The following USP37 variants were observed in gnomAD, a reference collection of about 807,000 sequenced individuals.
The protein encoded by USP37 is ubiquitin carboxyl-terminal hydrolase 37.
USP37 carries 27 observed loss-of-function variants against 124.0 expected under a neutral mutation model. The ratio of observed to expected loss-of-function variants is 0.22; its 90% CI spans 0.16 to 0.30. The LOEUF (loss-of-function observed/expected upper bound fraction) is 0.30. Ranked by LOEUF, USP37 falls within the 10% of genes least tolerant of loss-of-function variation. The pLI, the probability that USP37 is intolerant of heterozygous loss-of-function variation, is 1.00. For synonymous variants in USP37, 365 were observed against 388.0 expected (o/e 0.94, Z 0.70); for missense variants, 889 against 1,140.4 (o/e 0.78, Z 3.17).
intron 8 of USP37, among the ~76,000 whole-genome samples, chr2:218,537,983 G>A (rs1393044079): frequency 3.3e-5 from 5 of 152,200 alleles, no homozygotes; most frequent in African/African-American, 9.6e-5. Context: ...TCACACCCAT[G>A]AAGTGATAAG....
chr2:218,497,680 G>C, intron 13 of USP37, 54 bp downstream of exon 13: 2 of 1,603,032 alleles, frequency 1.2e-6, no homozygotes, highest in Non-Finnish European at 8.5e-7. Flanking sequence ...TGGAATTACA[G>C]ACGTGAGCCA....
intron 11 of USP37, among the ~76,000 whole-genome samples, chr2:218,503,166 G>A (rs1344806935): frequency 2.0e-5 from 3 of 152,014 alleles, no homozygotes; most frequent in African/African-American, 7.2e-5. Flanking sequence ...ATGTTAAAGC[G>A]ACATTCTTCA....
At chr2:218,537,927 TCAAGG>T (rs2106033219) in intron 8 of USP37, among the ~76,000 whole-genome samples, 2 of 152,296 alleles carry the variant, frequency 1.3e-5, no homozygotes, top group African/African-American at 4.8e-5. Flanking sequence ...CTGATGGTCA[TCAAGG>T]GACTGTGCAA....
intron 20 of USP37, among the ~76,000 whole-genome samples, chr2:218,467,515 A>AT (rs1283819386): frequency 1.3e-5 from 2 of 151,934 alleles, no homozygotes; most frequent in Non-Finnish European, 2.9e-5. Context: ...CGCCCGGCTA[A>AT]TTTTTGTATT....
chr2:218,480,674 A>G (rs974556723), intron 17 of USP37, among the ~76,000 whole-genome samples: 2 of 152,172 alleles, frequency 1.3e-5, no homozygotes, highest in Admixed American at 6.5e-5. Flanking sequence ...CAACCATCCT[A>G]TTGTTTTTCT....
chr2:218,549,237 C>T (rs1174957709), intron 6 of USP37, among the ~76,000 whole-genome samples: 1 of 151,812 alleles, frequency 6.6e-6, no homozygotes, highest in African/African-American at 2.4e-5. Context: ...ATAAAAATGT[C>T]CCCCAAAAAT....
At chr2:218,534,788 T>C in intron 8 of USP37, 82 bp from the exon 9 acceptor site, 17 of 923,504 alleles carry the variant, frequency 1.8e-5, no homozygotes, top group Non-Finnish European at 2.6e-5. Flanking sequence ...CATTAAAACA[T>C]TTACATTTAA....
chr2:218,488,242 T>A, intron 15 of USP37, 62 bp downstream of exon 15: 1 of 1,089,876 alleles, frequency 9.2e-7, no homozygotes, highest in Non-Finnish European at 1.3e-6. Context: ...CTTCAAATAT[T>A]CAAATACAAC....
intron 15 of USP37, chr2:218,486,416 T>C (rs1691560448): frequency 6.6e-6 from 1 of 152,210 alleles, no homozygotes; most frequent in Non-Finnish European, 1.5e-5. Flanking sequence ...TAAACAGATT[T>C]TTTTGTCTGT....
At chr2:218,476,061 A>T (rs1690957254) in intron 19 of USP37, among the ~76,000 whole-genome samples, 2 of 152,370 alleles carry the variant, frequency 1.3e-5, no homozygotes, top group Non-Finnish European at 1.5e-5. Context: ...CAGAACAAAA[A>T]TAACTACTAA....
At chr2:218,488,178 A>G in intron 15 of USP37, 126 bp downstream of exon 15, 1 of 78,006 alleles carries the variant, frequency 1.3e-5, no homozygotes, top group Non-Finnish European at 3.1e-5. Flanking sequence ...CCTGTCTCAA[A>G]AAAAAAAAAA....
chr2:218,535,993 G>A (rs1409702693), intron 8 of USP37, among the ~76,000 whole-genome samples: 2 of 133,116 alleles, frequency 1.5e-5, no homozygotes, highest in Admixed American at 8.3e-5. Flanking sequence ...CTCCAGAATG[G>A]GTGACAAGAG....
intron 23 of USP37, among the ~76,000 whole-genome samples, chr2:218,457,889 A>T (rs1254359525): frequency 6.6e-6 from 1 of 151,856 alleles, no homozygotes; most frequent in East Asian, 1.9e-4. Context: ...CTACTAAAAA[A>T]ACACAAAAAA....
At chr2:218,496,895 C>A (rs1232208850) in intron 13 of USP37, among the ~76,000 whole-genome samples, 1 of 152,064 alleles carries the variant, frequency 6.6e-6, no homozygotes, top group East Asian at 1.9e-4. Flanking sequence ...AGATGATCCA[C>A]CCGCCTCGGC....
chr2:218,556,121 C>T (rs1692956229), intron 4 of USP37, among the ~76,000 whole-genome samples: 3 of 152,276 alleles, frequency 2.0e-5, no homozygotes, highest in South Asian at 2.1e-4. Flanking sequence ...CTTCTGCTTT[C>T]CTTATGACAA....
rs778500123 is a variant in USP37, at chr2:218,485,702, C to T, written c.1632G>A (p.Lys544=). The change falls in exon 16 of 26, where the codon AAG becomes AAA. Residue 544 remains lysine (K), a synonymous_variant. Transcript: ENST00000258399. ...TAAATTTGTGCCTGACAAGAGCACA[C>T]TTCCCACCACACTTCTCACAAGAAT... The part of the protein sequence containing the change: ...LEYSCEKCGG[K]CALVRHKFNR... 1.2e-6 allele frequency: 2 copies of T among 1,606,250 alleles called. No individual in the cohort carries two copies. Among genetic ancestry groups the T allele is most frequent in the Admixed American group, 1.7e-5 (1 of 59,156 alleles).
At chr2:218,549,777 T>C in intron 6 of USP37, 32 bp downstream of exon 6, 3 of 1,598,776 alleles carry the variant, frequency 1.9e-6, no homozygotes, top group South Asian at 1.1e-5. Flanking sequence ...TATCATTTTT[T>C]TTAAATGCTA....
At chr2:218,525,931 C>T (rs551128178) in intron 10 of USP37, among the ~76,000 whole-genome samples, 5 of 152,290 alleles carry the variant, frequency 3.3e-5, no homozygotes, top group Admixed American at 6.5e-5. Context: ...TAAGTGAGAA[C>T]ATGCAGTATT....
chr2:218,558,960 C>A (rs1191173330), intron 3 of USP37, among the ~76,000 whole-genome samples: 5 of 151,356 alleles, frequency 3.3e-5, no homozygotes, highest in Non-Finnish European at 5.9e-5. Context: ...TTATTCTCTT[C>A]CTTCATGAAA....
Sources: gnomAD v4.1 joint callset for allele counts (sites outside exome capture counted in the v4.1 genomes callset) on GRCh38, gnomAD v4.1.1 for gene constraint, MANE v1.5 for transcripts, NCBI Gene and HGNC (gene_info 2026-07-23, HGNC 2026-07-21) for gene names.